SLC13A3: variants seen among roughly 807,000 people sequenced by gnomAD.
SLC13A3 encodes solute carrier family 13 member 3.
In SLC13A3, 40 loss-of-function variants were observed where a neutral mutation model predicts 59.0. The ratio of observed to expected loss-of-function variants is 0.68; its 90% CI spans 0.53 to 0.88. The LOEUF (loss-of-function observed/expected upper bound fraction) is 0.88. Among genes scored for constraint, SLC13A3 ranks in the 40% least tolerant of loss-of-function variants. The probability of loss-of-function intolerance (pLI) is 0.00; values close to 1 mark genes in which losing one functional copy is unlikely to be tolerated. For missense variants in SLC13A3, 699 were observed against 783.2 expected (o/e 0.89, Z 1.28); for synonymous variants, 317 against 330.3 (o/e 0.96, Z 0.44).
intron 5 of SLC13A3, among the ~76,000 whole-genome samples, chr20:46,595,547 C>T (rs1044580731): frequency 2.0e-5 from 3 of 152,306 alleles, no homozygotes; most frequent in East Asian, 3.9e-4. Flanking sequence ...CCATGCCTCC[C>T]GCTGGATCAC....
intron 1 of SLC13A3, among the ~76,000 whole-genome samples, chr20:46,666,213 A>G (rs1230429442): frequency 1.3e-5 from 2 of 152,228 alleles, no homozygotes; most frequent in African/African-American, 4.8e-5. Context: ...ATTGAGTCAC[A>G]GAAAGTGAAA....
At chr20:46,683,369 C>T (rs1002818272) in intron 1 of SLC13A3, among the ~76,000 whole-genome samples, 3 of 152,182 alleles carry the variant, frequency 2.0e-5, no homozygotes, top group African/African-American at 7.2e-5. Flanking sequence ...CCAGGCATGT[C>T]TAACACGAGG....
At chr20:46,678,598 G>A (rs545701023) in intron 1 of SLC13A3, among the ~76,000 whole-genome samples, 1 of 152,304 alleles carries the variant, frequency 6.6e-6, no homozygotes, top group East Asian at 1.9e-4. Flanking sequence ...GCATTGAAAA[G>A]CAGACATTGT....
At chr20:46,608,931 CG>C in intron 3 of SLC13A3, 1 of 1,550,920 alleles carries the variant, frequency 6.4e-7, no homozygotes, top group Non-Finnish European at 8.7e-7. Context: ...GGACAGAACC[CG>C]GAAGTTGCAC....
At chr20:46,645,318 T>C (rs1201976375) in intron 1 of SLC13A3, among the ~76,000 whole-genome samples, 1 of 152,190 alleles carries the variant, frequency 6.6e-6, no homozygotes. Context: ...CTTTTTTCCA[T>C]AGAAAGTAAC....
At chr20:46,591,645 G>A (rs1204374291) in intron 6 of SLC13A3, among the ~76,000 whole-genome samples, 1 of 152,156 alleles carries the variant, frequency 6.6e-6, no homozygotes, top group Non-Finnish European at 1.5e-5. Context: ...AGTAGACTGA[G>A]TGATGAGAGT....
rs867000033 is a variant in SLC13A3 at position 46,643,209 on chromosome 20, G to C, written c.111+8102C>G. Among the ~76,000 whole-genome samples, 39 of 152,022 alleles carry C rather than the reference G, an allele frequency of 2.6e-4. 1 individual carries two copies. In the Middle Eastern group the frequency reaches 0.027, roughly 106 times the overall value. On this transcript the variant is annotated intron_variant, in intron 1 of 12. Transcript: ENST00000279027. ...CCCATGGGTGGGAAGGGGGGAAGGGGGTTAATATAGATAATGCACCAGCAG... is the reference window on the plus strand; with the variant it reads ...CCCATGGGTGGGAAGGGGGGAAGGGCGTTAATATAGATAATGCACCAGCAG...
chr20:46,566,473 A>T (rs760438497), intron 10 of SLC13A3, 83 bp from the exon 11 acceptor site: 53 of 1,454,176 alleles, frequency 3.6e-5, no homozygotes, highest in Non-Finnish European at 4.6e-5. Flanking sequence ...GATCACAACA[A>T]TGACGACCAT....
At chr20:46,623,857 A>T (rs1405497679) in intron 1 of SLC13A3, among the ~76,000 whole-genome samples, 1 of 152,216 alleles carries the variant, frequency 6.6e-6, no homozygotes, top group Non-Finnish European at 1.5e-5. Context: ...ACATGGAGGC[A>T]AACAGGAAAA....
intron 9 of SLC13A3, chr20:46,583,000 A>G: frequency 1.0e-6 from 1 of 985,942 alleles, no homozygotes. Context: ...CACTTCCTAT[A>G]CGGTTGAAAC....
chr20:46,560,844 C>G (rs2061924678), intron 12 of SLC13A3, among the ~76,000 whole-genome samples: 1 of 152,168 alleles, frequency 6.6e-6, no homozygotes. Context: ...GGCTGAAAAT[C>G]CTTGTTTTCC....
chr20:46,590,052 A>C (rs903808933), intron 6 of SLC13A3, among the ~76,000 whole-genome samples: 10 of 152,230 alleles, frequency 6.6e-5, no homozygotes, highest in Non-Finnish European at 8.8e-5. Flanking sequence ...ACAAGCCATC[A>C]AAGATAGATA....
upstream of SLC13A3, among the ~76,000 whole-genome samples, chr20:46,655,496 T>G (rs1313389757): frequency 6.8e-6 from 1 of 147,964 alleles, no homozygotes; most frequent in Non-Finnish European, 1.5e-5. Flanking sequence ...TGTGTGTGTG[T>G]GGTATATATA....
At chr20:46,623,592 T>A (rs2062637875) in intron 1 of SLC13A3, among the ~76,000 whole-genome samples, 1 of 152,210 alleles carries the variant, frequency 6.6e-6, no homozygotes, top group South Asian at 2.1e-4. Flanking sequence ...GATGTCTATT[T>A]AGGTCATGCA....
At chr20:46,607,237 G>A (rs1283762802) in intron 3 of SLC13A3, among the ~76,000 whole-genome samples, 1 of 152,210 alleles carries the variant, frequency 6.6e-6, no homozygotes, top group Non-Finnish European at 1.5e-5. Flanking sequence ...GTATCTGCAT[G>A]TGGTGGTTAC....
chr20:46,610,371 T>C, intron 3 of SLC13A3, 75 bp downstream of exon 3: 1 of 1,487,638 alleles, frequency 6.7e-7, no homozygotes, highest in Non-Finnish European at 9.1e-7. Flanking sequence ...TGGCCTTCCC[T>C]AACATCCTTT....
Position 46,592,472 on chromosome 20 carries a change from A to C in SLC13A3, c.852T>G (p.Pro284=). 1 of 1,614,026 alleles carries C rather than the reference A, an allele frequency of 6.2e-7. No homozygotes were observed. The highest frequency in any genetic ancestry group is 1.3e-5 in the African/African-American group (1 of 75,044). Residue 284 remains proline, a synonymous_variant, in exon 6 of 13, where the codon CCT becomes CCG. Coordinates refer to ENST00000279027, the MANE Select transcript of SLC13A3 (RefSeq NM_022829.6). The stretch of plus-strand genomic sequence containing the variant: ...CTGCCAACAGGAACAACAGCATAAG[A>C]GGGAAGGCGAAAATGAACCAGGAGC... ...NFGSWFIFAF[P]LMLLFLLAGW...
At chr20:46,579,963 C>T (rs1180187528) in intron 9 of SLC13A3, among the ~76,000 whole-genome samples, 1 of 151,934 alleles carries the variant, frequency 6.6e-6, no homozygotes, top group African/African-American at 2.4e-5. Flanking sequence ...CTGAGGCACT[C>T]ATCACTACTT....
At chr20:46,563,586 A>G (rs781366347) in intron 11 of SLC13A3, 35 bp from the exon 12 acceptor site, 15 of 1,603,952 alleles carry the variant, frequency 9.4e-6, no homozygotes, top group Non-Finnish European at 1.3e-5. Context: ...ACCCGGAGAG[A>G]GACCAACGCA....
Sources: allele counts gnomAD v4.1 joint callset (sites outside exome capture counted in the v4.1 genomes callset), GRCh38; gene constraint gnomAD v4.1.1; transcripts MANE v1.5; gene names NCBI Gene and HGNC (gene_info 2026-07-23, HGNC 2026-07-21).